Variants in ANKRD62 observed in about 807,000 individuals in gnomAD.
ANKRD62 encodes the protein ankyrin repeat domain 62.
A neutral mutation model predicts 98.8 loss-of-function variants in ANKRD62; 61 were observed. The ratio of observed to expected loss-of-function variants is 0.62; its 90% CI spans 0.50 to 0.76. ANKRD62 has a LOEUF of 0.76. Among genes scored for constraint, ANKRD62 ranks in the 30% least tolerant of loss-of-function variants. The pLI, the probability that ANKRD62 is intolerant of heterozygous loss-of-function variation, is 0.00. For missense variants in ANKRD62, 933 were observed against 1,082.9 expected, an observed-to-expected ratio of 0.86 and a Z score of 1.94; for synonymous variants, 341 against 367.9, an observed-to-expected ratio of 0.93 and a Z score of 0.84.
At chr18:12,169,095 T>A in the ANKRD62 span, among the ~76,000 whole-genome samples, 2 of 152,204 alleles carry the variant, frequency 1.3e-5, no homozygotes, top group Non-Finnish European at 2.9e-5. Flanking sequence ...ACAATTTGAC[T>A]TCCTCTTTTC....
intron 5 of ANKRD62, chr18:12,098,377 C>G (rs1909227382): frequency 6.6e-6 from 1 of 152,260 alleles, no homozygotes; most frequent in African/African-American, 2.4e-5. Flanking sequence ...CTGAACAGAG[C>G]CAAGCTTCAT....
chr18:12,107,264 A>G (rs1909434321), intron 7 of ANKRD62, 31 bp from the exon 8 acceptor site: 3 of 1,426,906 alleles, frequency 2.1e-6, no homozygotes, highest in Middle Eastern at 2.5e-4. Flanking sequence ...AAATAATGAC[A>G]ATTATTCTCA....
chr18:12,153,943 A>G, the ANKRD62 span, among the ~76,000 whole-genome samples: 1 of 152,206 alleles, frequency 6.6e-6, no homozygotes, highest in East Asian at 1.9e-4. Flanking sequence ...TACACCATAC[A>G]TACAAGTCAA....
intron 8 of ANKRD62, among the ~76,000 whole-genome samples, chr18:12,108,074 A>G (rs1023845214): frequency 1.3e-5 from 2 of 152,344 alleles, no homozygotes; most frequent in East Asian, 1.9e-4. Flanking sequence ...AAAGGAAATA[A>G]GTAGTCACAC....
chr18:12,109,766 A>G (rs1199877018), intron 8 of ANKRD62, among the ~76,000 whole-genome samples: 2 of 152,092 alleles, frequency 1.3e-5, no homozygotes, highest in Non-Finnish European at 2.9e-5. Context: ...CTTTTTATGT[A>G]AAGAACCAGA....
Position 12,104,133 on chromosome 18 carries a change from A to G in ANKRD62, c.891+905A>G, listed in dbSNP as rs535561074. Among the ~76,000 whole-genome samples the G allele has an allele frequency of 4.6e-5, 7 of 152,228 alleles. No homozygotes were observed. The East Asian group carries it at 1.4e-3, about 29-fold the overall frequency. On this transcript the variant is annotated intron_variant, in intron 7 of 13. Transcript: ENST00000587848. ...TGAAGATGCCTTTGTACTCCTAAAA[A>G]TGATCTCTTATTTTCATTTTTGGTA...
the ANKRD62 span, among the ~76,000 whole-genome samples, chr18:12,141,060 C>T: frequency 1.3e-5 from 2 of 152,198 alleles, no homozygotes; most frequent in South Asian, 2.1e-4. Flanking sequence ...ATGGCGGGCG[C>T]CCCTCCGCCA....
chr18:12,167,324 C>T, the ANKRD62 span, among the ~76,000 whole-genome samples: 1 of 151,736 alleles, frequency 6.6e-6, no homozygotes, highest in African/African-American at 2.4e-5. Context: ...TGTGATGTTC[C>T]CTGCCCTGTG....
the ANKRD62 span, among the ~76,000 whole-genome samples, chr18:12,165,735 G>A: frequency 6.6e-6 from 1 of 151,986 alleles, no homozygotes; most frequent in African/African-American, 2.4e-5. Flanking sequence ...TTTACTATTA[G>A]CAGTGAGTTT....
the ANKRD62 span, among the ~76,000 whole-genome samples, chr18:12,146,396 C>G: frequency 6.6e-6 from 1 of 152,044 alleles, no homozygotes; most frequent in Non-Finnish European, 1.5e-5. Context: ...TGGAAGAGAC[C>G]CCCAGCACAG....
rs753649393 is a variant in ANKRD62 at position 12,123,218 on chromosome 18, C to CT, written c.1454+716dup. On this transcript the variant is annotated intron_variant, in intron 11 of 13. Transcript: ENST00000587848. ...ACACGTCACCATGCCTTTCTAATTT[C>CT]TTTTTTTTTTTTTTAAGTAGAGATG... Among the ~76,000 whole-genome samples the CT allele has an allele frequency of 5.9e-3, 837 of 141,814 alleles. 2 individuals carry two copies. The highest frequency in any genetic ancestry group is 8.6e-3 in the Non-Finnish European group (552 of 64,310). The allele number at this position is 141,814 out of a possible 152,430, so 93.0% of individuals were successfully genotyped here.
At chr18:12,135,984 T>C in the ANKRD62 span, among the ~76,000 whole-genome samples, 3 of 152,342 alleles carry the variant, frequency 2.0e-5, no homozygotes, top group East Asian at 3.9e-4. Context: ...TTTCTCCCAT[T>C]CTGTAGGTTG....
chr18:12,170,400 T>G, the ANKRD62 span, among the ~76,000 whole-genome samples: 4 of 152,236 alleles, frequency 2.6e-5, no homozygotes, highest in African/African-American at 9.6e-5. Context: ...CAGTAGTCAT[T>G]CAGAAGCAGG....
chr18:12,178,281 G>C, the ANKRD62 span, among the ~76,000 whole-genome samples: 1 of 150,148 alleles, frequency 6.7e-6, no homozygotes, highest in African/African-American at 2.5e-5. Context: ...CAGTGGGAAA[G>C]AGAAGGGGAA....
the ANKRD62 span, among the ~76,000 whole-genome samples, chr18:12,151,265 C>G: frequency 3.3e-5 from 5 of 152,192 alleles, no homozygotes; most frequent in African/African-American, 1.2e-4. Flanking sequence ...GCATCCAGCA[C>G]ATGAGCACCT....
chr18:12,171,293 G>T, the ANKRD62 span, among the ~76,000 whole-genome samples: 1 of 152,182 alleles, frequency 6.6e-6, no homozygotes, highest in Non-Finnish European at 1.5e-5. Flanking sequence ...TCCTTTCCAT[G>T]TTTAGTGCTT....
At chr18:12,110,338 A>G (rs1352542123) in intron 8 of ANKRD62, among the ~76,000 whole-genome samples, 2 of 152,188 alleles carry the variant, frequency 1.3e-5, no homozygotes, top group Admixed American at 1.3e-4. Flanking sequence ...TAGTCTTTCT[A>G]TGGTCTTTAT....
At chr18:12,102,459 A>G in intron 6 of ANKRD62, 1 of 448,332 alleles carries the variant, frequency 2.2e-6, no homozygotes, top group South Asian at 2.0e-5. Context: ...CTCAGTCTCC[A>G]GAGAACCGCC....
the ANKRD62 span, among the ~76,000 whole-genome samples, chr18:12,151,486 A>G: frequency 6.6e-6 from 1 of 152,228 alleles, no homozygotes; most frequent in South Asian, 2.1e-4. Context: ...GCATTCTCTC[A>G]TCACCACATG....
Sources: gnomAD v4.1 joint callset for allele counts (sites outside exome capture counted in the v4.1 genomes callset) on GRCh38, gnomAD v4.1.1 for gene constraint, MANE v1.5 for transcripts, NCBI Gene and HGNC (gene_info 2026-07-23, HGNC 2026-07-21) for gene names.